The following SLC16A12 variants were observed in gnomAD, a reference collection of about 807,000 sequenced individuals.
The protein encoded by SLC16A12 is solute carrier family 16 member 12, also known as monocarboxylate transporter 12.
In SLC16A12, 17 loss-of-function variants were observed where a neutral mutation model predicts 42.4. That is an observed-to-expected ratio of 0.40 (90% CI 0.27 to 0.60). SLC16A12 has a LOEUF of 0.60. Among genes scored for constraint, SLC16A12 ranks in the 20% least tolerant of loss-of-function variants. The pLI is 0.42. For synonymous variants in SLC16A12, 224 were observed against 229.4 expected, an observed-to-expected ratio of 0.98 and a Z score of 0.21; for missense variants, 544 against 623.0, an observed-to-expected ratio of 0.87 and a Z score of 1.35.
intron 2 of SLC16A12, among the ~76,000 whole-genome samples, chr10:89,494,746 T>C (rs1842898366): frequency 6.6e-6 from 1 of 152,056 alleles, no homozygotes. Context: ...AACTGCAGAA[T>C]CCCAGAAAGA....
chr10:89,500,618 A>C (rs1842980195), intron 2 of SLC16A12, among the ~76,000 whole-genome samples: 1 of 152,192 alleles, frequency 6.6e-6, no homozygotes, highest in Non-Finnish European at 1.5e-5. Context: ...TAAAATCCTC[A>C]GCAAAATCGG....
intron 2 of SLC16A12, among the ~76,000 whole-genome samples, chr10:89,487,809 CA>C (rs71022569): frequency 2.4e-3 from 201 of 84,726 alleles, no homozygotes; most frequent in Middle Eastern, 0.016. Context: ...GATTCTGTCT[CA>C]AAAAAAAAAA....
At chr10:89,517,619 A>G (rs1843276026) in intron 2 of SLC16A12, among the ~76,000 whole-genome samples, 1 of 152,106 alleles carries the variant, frequency 6.6e-6, no homozygotes, top group Admixed American at 6.6e-5. Flanking sequence ...CTCCAACTTT[A>G]TTGAATAGAG....
intron 4 of SLC16A12, 28 bp from the exon 5 acceptor site, chr10:89,441,279 A>T (rs1448809324): frequency 6.2e-7 from 1 of 1,613,696 alleles, no homozygotes; most frequent in South Asian, 1.1e-5. Context: ...AATAGGTTCA[A>T]CAGAAAGGCC....
intron 2 of SLC16A12, among the ~76,000 whole-genome samples, chr10:89,512,479 CT>C (rs1021369734): frequency 1.3e-5 from 2 of 152,160 alleles, no homozygotes; most frequent in African/African-American, 2.4e-5. Context: ...CCAAGCCACC[CT>C]TGACCTTAGG....
intron 2 of SLC16A12, among the ~76,000 whole-genome samples, chr10:89,555,498 TATATAC>T (rs1352756193): frequency 1.5e-4 from 19 of 122,740 alleles, no homozygotes; most frequent in South Asian, 4.9e-4. Context: ...TATATATACG[TATATAC>T]GTATATATAT....
chr10:89,448,313 A>C (rs1589666880), intron 3 of SLC16A12, among the ~76,000 whole-genome samples: 1 of 152,188 alleles, frequency 6.6e-6, no homozygotes, highest in African/African-American at 2.4e-5. Flanking sequence ...ACACACACAA[A>C]AAGGGATCTT....
upstream of SLC16A12, among the ~76,000 whole-genome samples, chr10:89,538,720 T>G (rs1843695188): frequency 1.3e-5 from 2 of 152,242 alleles, no homozygotes; most frequent in African/African-American, 2.4e-5. Context: ...GCCTTGCATA[T>G]TATACATGTG....
chr10:89,501,580 A>G (rs1200285983), intron 2 of SLC16A12, among the ~76,000 whole-genome samples: 4 of 152,116 alleles, frequency 2.6e-5, no homozygotes, highest in African/African-American at 9.7e-5. Flanking sequence ...GCAAAACCCC[A>G]TCTATACTAA....
chr10:89,499,809 A>G (rs1842969367), intron 2 of SLC16A12, among the ~76,000 whole-genome samples: 1 of 152,166 alleles, frequency 6.6e-6, no homozygotes, highest in Admixed American at 6.5e-5. Context: ...TCAGAGCAGA[A>G]CTAAATGAAA....
chr10:89,528,607 A>G (rs1843492797), intron 2 of SLC16A12, among the ~76,000 whole-genome samples: 1 of 152,192 alleles, frequency 6.6e-6, no homozygotes, highest in Non-Finnish European at 1.5e-5. Context: ...CTATAGAGAA[A>G]ATGCACACAC....
chr10:89,548,770 C>T (rs978288376), intron 2 of SLC16A12, among the ~76,000 whole-genome samples: 8 of 152,068 alleles, frequency 5.3e-5, no homozygotes, highest in Non-Finnish European at 1.0e-4. Context: ...GAGCTGAGAT[C>T]GCACCCCTGC....
At chr10:89,480,877 C>G (rs2133786236) in intron 2 of SLC16A12, among the ~76,000 whole-genome samples, 1 of 152,262 alleles carries the variant, frequency 6.6e-6, no homozygotes, top group Non-Finnish European at 1.5e-5. Flanking sequence ...AACATTTAAA[C>G]TAATTTTCAC....
chr10:89,493,044 C>T (rs1457052539), intron 2 of SLC16A12, among the ~76,000 whole-genome samples: 3 of 152,112 alleles, frequency 2.0e-5, no homozygotes, highest in African/African-American at 7.2e-5. Context: ...TCCCAAGTCA[C>T]AGCATGCCAA....
chr10:89,481,558 A>G (rs531677703), intron 2 of SLC16A12, among the ~76,000 whole-genome samples: 51 of 152,146 alleles, frequency 3.4e-4, no homozygotes, highest in Non-Finnish European at 2.8e-4. Flanking sequence ...AGAAGCCAAA[A>G]ACAAGAATCT....
chr10:89,441,524 A>G (rs1422263959), intron 4 of SLC16A12, among the ~76,000 whole-genome samples: 1 of 152,204 alleles, frequency 6.6e-6, no homozygotes, highest in Non-Finnish European at 1.5e-5. Context: ...GCAGGACGGT[A>G]GGGTGTTTTT....
Position 89,438,776 on chromosome 10 carries a change from A to G in SLC16A12, c.856T>C (p.Leu286=), listed in dbSNP as rs755060610. 1 of 1,614,100 alleles carries G rather than the reference A, an allele frequency of 6.2e-7. No homozygotes were observed. The highest frequency in any genetic ancestry group is 2.2e-5 in the East Asian group (1 of 44,902). ...SFLLMSDFVV[L]AVSVLFMAYG... is the part of the protein sequence containing the mutation. ...GCCATAAACAGAACGGAGACGGCTAACACAACAAAGTCTGACATGAGTAAA... is the reference window on the plus strand; with the variant it reads ...GCCATAAACAGAACGGAGACGGCTAGCACAACAAAGTCTGACATGAGTAAA... The change falls in exon 6 of 8, where the codon TTA becomes CTA. Residue 286 remains leucine (L), a synonymous_variant. Coordinates refer to ENST00000371790, the MANE Select transcript of SLC16A12 (RefSeq NM_213606.4).
chr10:89,543,966 ACT>A (rs1843729644), intron 2 of SLC16A12, among the ~76,000 whole-genome samples: 2 of 152,210 alleles, frequency 1.3e-5, no homozygotes, highest in Non-Finnish European at 2.9e-5. Context: ...GACGGCAGTA[ACT>A]CTGTCTCATT....
chr10:89,549,644 C>G (rs1377060893), intron 2 of SLC16A12, among the ~76,000 whole-genome samples: 1 of 152,082 alleles, frequency 6.6e-6, no homozygotes, highest in Non-Finnish European at 1.5e-5. Context: ...TGTCAGCTAA[C>G]TGCTTGCCAA....
Sources: gnomAD v4.1 joint callset for allele counts (sites outside exome capture counted in the v4.1 genomes callset) on GRCh38, gnomAD v4.1.1 for gene constraint, MANE v1.5 for transcripts, NCBI Gene and HGNC (gene_info 2026-07-23, HGNC 2026-07-21) for gene names.